Variants in CADM2 observed in about 807,000 individuals in gnomAD.
The protein encoded by CADM2 is immunoglobulin superfamily member 4D.
Under a neutral mutation model 49.8 loss-of-function variants are expected in CADM2, and 12 were observed. The observed-to-expected ratio is 0.24, with a 90% CI of 0.15 to 0.39. The LOEUF (loss-of-function observed/expected upper bound fraction) is 0.39. CADM2 is among the 10% of genes least tolerant of loss of function. The pLI is 1.00. For missense variants in CADM2, 378 were observed against 492.3 expected (o/e 0.77, Z 2.20); for synonymous variants, 214 against 175.4 (o/e 1.22, Z -1.74).
chr3:85,077,046 G>A (rs1367510288), intron 1 of CADM2, among the ~76,000 whole-genome samples: 3 of 152,152 alleles, frequency 2.0e-5, no homozygotes, highest in Non-Finnish European at 2.9e-5. Context: ...GACTGAGAAC[G>A]CCTTAATCAA....
chr3:85,700,610 G>GATACCCTAAATT (rs2066724797), intron 1 of CADM2, among the ~76,000 whole-genome samples: 1 of 152,132 alleles, frequency 6.6e-6, no homozygotes, highest in Non-Finnish European at 1.5e-5. Context: ...TATTCTGCCA[G>GATACCCTAAATT]ATACCCTAAA....
chr3:85,186,042 G>A (rs975250813), intron 1 of CADM2, among the ~76,000 whole-genome samples: 3 of 152,256 alleles, frequency 2.0e-5, no homozygotes, highest in Non-Finnish European at 4.4e-5. Flanking sequence ...GCCTCAGCAC[G>A]GAACTTGATA....
intron 6 of CADM2, among the ~76,000 whole-genome samples, chr3:85,928,170 T>G (rs1051980614): frequency 6.6e-6 from 1 of 150,858 alleles, no homozygotes; most frequent in Non-Finnish European, 1.5e-5. Context: ...TTTTTTTTTT[T>G]TTTTTTTGAA....
At position 85,898,953 on chromosome 3, in the gene CADM2, ATATTTTTT is replaced by A. The variant is rs1172409733; in HGVS notation, c.529+12628_529+12635del. 1.2e-4 allele frequency among the ~76,000 whole-genome samples: 5 copies of A among 42,800 alleles called. No individual in the cohort carries two copies. The Admixed American group carries it at 1.6e-3, about 14-fold the overall frequency. 28.1% of individuals were successfully genotyped at this position (42,800 alleles called of 152,430 possible). A position where few individuals can be genotyped will look rare whatever the true frequency, so the allele number is the denominator to read the frequency against. On this transcript the variant is annotated intron_variant, in intron 5 of 9. Transcript: ENST00000383699. ...ATTTATTGTGTATATATATATATAT[ATATTTTTT>A]TTTTTTTTTTTTTTTTTTTTTTGAG...
At chr3:85,255,138 A>G (rs942105451) in intron 1 of CADM2, among the ~76,000 whole-genome samples, 1 of 152,080 alleles carries the variant, frequency 6.6e-6, no homozygotes, top group Non-Finnish European at 1.5e-5. Flanking sequence ...AAATAGCACT[A>G]ACATGTAACC....
At chr3:86,012,226 TTC>T (rs1263167465) in intron 8 of CADM2, among the ~76,000 whole-genome samples, 1 of 152,150 alleles carries the variant, frequency 6.6e-6, no homozygotes, top group African/African-American at 2.4e-5. Context: ...ATGAAACATC[TTC>T]TCTTTTAAGC....
intron 1 of CADM2, among the ~76,000 whole-genome samples, chr3:85,345,787 A>G (rs1473075919): frequency 6.6e-6 from 1 of 152,182 alleles, no homozygotes; most frequent in Admixed American, 6.5e-5. Flanking sequence ...ATTAAGTATA[A>G]ATGTCAATAT....
chr3:85,546,433 GC>G (rs2061671735), intron 1 of CADM2, among the ~76,000 whole-genome samples: 1 of 152,050 alleles, frequency 6.6e-6, no homozygotes, highest in Non-Finnish European at 1.5e-5. Context: ...GACACAGGAG[GC>G]TTTTCAGCCT....
chr3:85,057,729 A>G (rs886934729), intron 1 of CADM2, among the ~76,000 whole-genome samples: 1 of 152,174 alleles, frequency 6.6e-6, no homozygotes, highest in South Asian at 2.1e-4. Context: ...AGAATAAAGC[A>G]GTTTTGATAC....
intron 1 of CADM2, among the ~76,000 whole-genome samples, chr3:85,236,183 T>A (rs1185066920): frequency 6.6e-6 from 1 of 152,056 alleles, no homozygotes; most frequent in African/African-American, 2.4e-5. Flanking sequence ...TCTAATTCTC[T>A]TGCTAGTCCT....
intron 3 of CADM2, among the ~76,000 whole-genome samples, chr3:85,865,611 G>GA (rs966515187): frequency 2.1e-4 from 32 of 152,050 alleles, no homozygotes; most frequent in African/African-American, 7.7e-4. Flanking sequence ...TTTACATGTG[G>GA]AAAAAAAGTT....
intron 1 of CADM2, among the ~76,000 whole-genome samples, chr3:85,425,171 C>G (rs749574656): frequency 1.3e-5 from 2 of 152,158 alleles, no homozygotes; most frequent in Non-Finnish European, 2.9e-5. Flanking sequence ...TCCCCATCTT[C>G]TCCATCATGC....
At chr3:85,951,517 G>A (rs1723420643) in intron 7 of CADM2, among the ~76,000 whole-genome samples, 1 of 150,928 alleles carries the variant, frequency 6.6e-6, no homozygotes, top group South Asian at 2.1e-4. Flanking sequence ...ATATTAAGAT[G>A]CAAAGTTTTT....
chr3:85,146,505 A>C (rs757339814), intron 1 of CADM2, among the ~76,000 whole-genome samples: 1 of 152,184 alleles, frequency 6.6e-6, no homozygotes, highest in Non-Finnish European at 1.5e-5. Context: ...GTATCATGAT[A>C]ATTACATTTT....
intron 2 of CADM2, among the ~76,000 whole-genome samples, chr3:85,736,274 T>C (rs2068132306): frequency 6.6e-6 from 1 of 152,228 alleles, no homozygotes; most frequent in Admixed American, 6.5e-5. Flanking sequence ...GTAACCTTGG[T>C]AATTGCCAAT....
chr3:86,001,702 A>C (rs781444678), intron 8 of CADM2, among the ~76,000 whole-genome samples: 3 of 152,178 alleles, frequency 2.0e-5, no homozygotes, highest in Non-Finnish European at 4.4e-5. Flanking sequence ...CTAGAATTAA[A>C]AATTCTGCAG....
At chr3:85,487,547 G>A (rs146148208) in intron 1 of CADM2, among the ~76,000 whole-genome samples, 1 of 149,460 alleles carries the variant, frequency 6.7e-6, no homozygotes, top group East Asian at 2.0e-4. Flanking sequence ...GGAGGAGGAC[G>A]AGGAGGAGGA....
chr3:85,671,488 T>C (rs2065733738), intron 1 of CADM2, among the ~76,000 whole-genome samples: 1 of 152,202 alleles, frequency 6.6e-6, no homozygotes, highest in African/African-American at 2.4e-5. Context: ...TTTAAATATA[T>C]ACATGGTGAA....
chr3:85,404,235 C>CT (rs987307443), intron 1 of CADM2, among the ~76,000 whole-genome samples: 4 of 152,098 alleles, frequency 2.6e-5, no homozygotes, highest in African/African-American at 9.7e-5. Flanking sequence ...CACCACCTCA[C>CT]TTTTTTTCTC....
Sources: allele counts gnomAD v4.1 joint callset (sites outside exome capture counted in the v4.1 genomes callset), GRCh38; gene constraint gnomAD v4.1.1; transcripts MANE v1.5; gene names NCBI Gene and HGNC (gene_info 2026-07-23, HGNC 2026-07-21).